Variants in DHX35 observed in about 807,000 individuals in gnomAD.
DHX35 encodes DEAH-box helicase 35, also known as probable ATP-dependent RNA helicase DHX35.
A neutral mutation model predicts 99.6 loss-of-function variants in DHX35; 84 were observed. That is an observed-to-expected ratio of 0.84 (90% confidence interval 0.71 to 1.01). The LOEUF (loss-of-function observed/expected upper bound fraction) is 1.01. Ranked by LOEUF, DHX35 falls within the 50% of genes least tolerant of loss-of-function variation. The pLI, the probability that DHX35 is intolerant of heterozygous loss-of-function variation, is 0.00. For synonymous variants in DHX35, 331 were observed against 316.2 expected (o/e 1.05, Z -0.50); for missense variants, 852 against 888.5 (o/e 0.96, Z 0.52).
chr20:39,034,262 C>T lies in DHX35; in HGVS notation c.2012C>T (p.Ala671Val). 1.2e-6 allele frequency: 2 copies of T among 1,614,198 alleles called. No individual in the cohort carries two copies. The highest frequency in any genetic ancestry group is 2.2e-5 in the South Asian group (2 of 91,080). The change falls in exon 21 of 22, where the codon GCC (alanine) becomes GTC (valine). Residue 671 changes from alanine (A) to valine (V), a missense_variant. Physicochemically the swap from Ala to Val is moderately conservative, Grantham distance 64. Transcript: ENST00000252011. Reference sequence around the variant, plus strand: ...AAGTACTACATGAGAGATGTGACTGCCATTGAATCGGCCTGGCTGTTGGAG... The same window carrying T: ...AAGTACTACATGAGAGATGTGACTGTCATTGAATCGGCCTGGCTGTTGGAG... The part of the protein sequence containing the change: ...TSKYYMRDVT[A>V]IESAWLLELA...
intron 5 of DHX35, among the ~76,000 whole-genome samples, chr20:38,991,195 C>T (rs1352058074): frequency 6.6e-6 from 1 of 152,178 alleles, no homozygotes; most frequent in Non-Finnish European, 1.5e-5. Flanking sequence ...GGAAATGGGG[C>T]ATAGCTGATG....
At chr20:39,036,245 C>T (rs766140094) in intron 21 of DHX35, among the ~76,000 whole-genome samples, 4 of 152,200 alleles carry the variant, frequency 2.6e-5, no homozygotes, top group Non-Finnish European at 5.9e-5. Context: ...CTTCTCAGCT[C>T]AAAATTCCAG....
chr20:39,037,299 C>T (rs2087170261), intron 21 of DHX35, among the ~76,000 whole-genome samples: 1 of 152,162 alleles, frequency 6.6e-6, no homozygotes, highest in Non-Finnish European at 1.5e-5. Flanking sequence ...AGAGATTTGC[C>T]TTCTGGCTTT....
intron 20 of DHX35, among the ~76,000 whole-genome samples, chr20:39,032,480 A>T (rs924743593): frequency 2.6e-5 from 4 of 152,164 alleles, no homozygotes; most frequent in Admixed American, 6.5e-5. Context: ...CCCAGATTGG[A>T]AATTTTAAAG....
rs766491603 is a variant in DHX35 at position 39,034,282 on chromosome 20, T to C, written c.2032T>C (p.Leu678=). The change falls in exon 21 of 22, where the codon TTG becomes CTG. Residue 678 remains leucine (L), a synonymous_variant. Coordinates refer to ENST00000252011, the MANE Select transcript of DHX35 (RefSeq NM_021931.4). ...DVTAIESAWL[L]ELAPHFYQQG... ...GACTGCCATTGAATCGGCCTGGCTGTTGGAGCTGGCTCCACACTTTTATCA... is the reference window on the plus strand; with the variant it reads ...GACTGCCATTGAATCGGCCTGGCTGCTGGAGCTGGCTCCACACTTTTATCA... 1 of 1,614,226 alleles carries C rather than the reference T, an allele frequency of 6.2e-7. No homozygotes were observed. The highest frequency in any genetic ancestry group is 1.6e-4 in the Middle Eastern group (1 of 6,062).
At position 38,975,065 on chromosome 20, in the gene DHX35, A is replaced by C. The variant is rs530221337; in HGVS notation, c.267+2414A>C. Reference sequence around the variant, plus strand: ...GACTGTTTGGTCCAGACTTGTGGTCATGCCAGGATCTGTGTAGATCTTTTT... The same window carrying C: ...GACTGTTTGGTCCAGACTTGTGGTCCTGCCAGGATCTGTGTAGATCTTTTT... On this transcript the variant is annotated intron_variant, in intron 3 of 21. Transcript: ENST00000252011. 5.9e-5 allele frequency among the ~76,000 whole-genome samples: 9 copies of C among 152,282 alleles called. No individual in the cohort carries two copies. The South Asian group carries it at 1.5e-3, about 25-fold the overall frequency.
chr20:38,982,661 A>G (rs988424709), intron 3 of DHX35, among the ~76,000 whole-genome samples: 1 of 151,678 alleles, frequency 6.6e-6, no homozygotes, highest in Non-Finnish European at 1.5e-5. Context: ...CACCTTTCCC[A>G]CCCATTCCCT....
intron 15 of DHX35, among the ~76,000 whole-genome samples, chr20:39,019,983 T>A (rs1319638518): frequency 6.6e-6 from 1 of 152,196 alleles, no homozygotes; most frequent in East Asian, 1.9e-4. Flanking sequence ...TGAGATCATA[T>A]GGTGTTTGTC....
chr20:38,973,079 G>A (rs2086027415), intron 3 of DHX35, among the ~76,000 whole-genome samples: 1 of 152,210 alleles, frequency 6.6e-6, no homozygotes, highest in Admixed American at 6.5e-5. Flanking sequence ...GTGGATAGGA[G>A]TAGAAAGAAG....
In DHX35 at chr20:38,999,923, T is replaced by C. The variant is rs185724429; in HGVS notation, c.643-1807T>C. Among the ~76,000 whole-genome samples, 319 of 152,314 alleles carry C rather than the reference T, an allele frequency of 2.1e-3. 1 individual carries two copies. The highest frequency in any genetic ancestry group is 7.4e-3 in the African/African-American group (307 of 41,564). ...CAGAGTTATGGCTGACATCACTTAT[T>C]GAGTGCCATTCTAGGCTAGATGTGT... On this transcript the variant is annotated intron_variant, in intron 8 of 21. Transcript: ENST00000252011.
rs139118995 is a variant in DHX35 at position 38,967,913 on chromosome 20, T to TC, written c.41-1166dup. Among the ~76,000 whole-genome samples, 359 of 152,214 alleles carry TC rather than the reference T, an allele frequency of 2.4e-3. 2 individuals carry two copies. Among genetic ancestry groups the TC allele is most frequent in the African/African-American group, 8.4e-3 (347 of 41,516 alleles). Reference sequence around the variant, plus strand: ...GCTGGGAGAAGTCAGTCCCTGTCTGTCCAGTATAAAAGAGCCTCCCCCACC... The same window carrying TC: ...GCTGGGAGAAGTCAGTCCCTGTCTGTCCCAGTATAAAAGAGCCTCCCCCACC... On this transcript the variant is annotated intron_variant, in intron 1 of 21. Coordinates refer to ENST00000252011, the MANE Select transcript of DHX35 (RefSeq NM_021931.4).
At chr20:39,036,726 CAAAAAAAAAAA>C (rs60032935) in intron 21 of DHX35, among the ~76,000 whole-genome samples, 32 of 51,664 alleles carry the variant, frequency 6.2e-4, no homozygotes, top group Non-Finnish European at 3.2e-4. Flanking sequence ...ACTGTCCCCC[CAAAAAAAAAAA>C]AAAAAAAAAA....
chr20:39,032,922 A>G lies in DHX35; in HGVS notation c.1956-1284A>G, dbSNP rs75705725. ...TTTAGAAATGTTACCCAGTGACCAC[A>G]CTAATGTGGTCAGGATACGCACACT... is the stretch of plus-strand genomic sequence containing the variant. On this transcript the variant is annotated intron_variant, in intron 20 of 21. Transcript: ENST00000252011. Among the ~76,000 whole-genome samples the G allele has an allele frequency of 8.5e-3, 1,298 of 152,328 alleles. 20 individuals are homozygous for G. Among genetic ancestry groups the G allele is most frequent in the African/African-American group, 0.03 (1,237 of 41,576 alleles).
chr20:39,016,334 T>A (rs919677570), intron 14 of DHX35, among the ~76,000 whole-genome samples: 1 of 152,142 alleles, frequency 6.6e-6, no homozygotes, highest in Non-Finnish European at 1.5e-5. Flanking sequence ...GTAGGCCCCA[T>A]CTCCCAACAC....
chr20:39,001,511 C>G (rs1329949045), intron 8 of DHX35, among the ~76,000 whole-genome samples: 1 of 152,156 alleles, frequency 6.6e-6, no homozygotes, highest in African/African-American at 2.4e-5. Context: ...TTTATTAAAA[C>G]TTTAGTAAAG....
intron 13 of DHX35, 37 bp from the exon 14 acceptor site, chr20:39,014,843 A>G (rs1170524942): frequency 6.2e-7 from 1 of 1,613,752 alleles, no homozygotes; most frequent in Non-Finnish European, 8.5e-7. Flanking sequence ...TGTTGCCCAA[A>G]TAAATTGATT....
chr20:39,031,719 C>T (rs1230984778), intron 20 of DHX35, among the ~76,000 whole-genome samples: 1 of 152,216 alleles, frequency 6.6e-6, no homozygotes, highest in Non-Finnish European at 1.5e-5. Context: ...GGATGAAGTG[C>T]TGGGCTCAGC....
intron 6 of DHX35, among the ~76,000 whole-genome samples, 183 bp downstream of exon 6, chr20:38,991,698 G>C (rs1197956566): frequency 6.6e-6 from 1 of 152,194 alleles, no homozygotes. Context: ...GCCCTTTACA[G>C]ACACTCAAAA....
intron 8 of DHX35, among the ~76,000 whole-genome samples, chr20:38,997,767 TGAAA>T (rs1375523039): frequency 2.6e-5 from 4 of 151,700 alleles, no homozygotes; most frequent in East Asian, 1.9e-4. Flanking sequence ...CGTATGTGAG[TGAAA>T]GAAAGAAAGA....
Sources: gnomAD v4.1 joint callset for allele counts (sites outside exome capture counted in the v4.1 genomes callset) on GRCh38, gnomAD v4.1.1 for gene constraint, MANE v1.5 for transcripts, NCBI Gene and HGNC (gene_info 2026-07-23, HGNC 2026-07-21) for gene names.